Variants in WWOX observed in about 807,000 individuals in gnomAD.
WWOX encodes the protein WW domain-containing oxidoreductase.
Under a neutral mutation model 46.2 loss-of-function variants are expected in WWOX, and 69 were observed. That is an observed-to-expected ratio of 1.49 (90% CI 1.23 to 1.82). WWOX has a LOEUF of 1.82. WWOX is among the 40% of genes most tolerant of loss of function. The probability of loss-of-function intolerance (pLI) is 0.00; values close to 1 mark genes in which losing one functional copy is unlikely to be tolerated. For missense variants in WWOX, 919 were observed against 542.6 expected, an observed-to-expected ratio of 1.69 and a Z score of -6.89; for synonymous variants, 359 against 202.6, an observed-to-expected ratio of 1.77 and a Z score of -6.56.
chr16:78,121,448 T>C (rs1597228719), intron 4 of WWOX, among the ~76,000 whole-genome samples: 1 of 152,304 alleles, frequency 6.6e-6, no homozygotes, highest in South Asian at 2.1e-4. Context: ...TGAGATATTA[T>C]TGGACATTGA....
intron 5 of WWOX, among the ~76,000 whole-genome samples, chr16:78,166,367 C>T (rs748319076): frequency 6.6e-6 from 1 of 152,160 alleles, no homozygotes; most frequent in Non-Finnish European, 1.5e-5. Context: ...CTCTTTCTTG[C>T]ATCAGTCTTT....
chr16:78,495,645 A>T (rs1186223146), intron 8 of WWOX, among the ~76,000 whole-genome samples: 1 of 151,150 alleles, frequency 6.6e-6, no homozygotes, highest in Non-Finnish European at 1.5e-5. Context: ...AGTAGCTGGG[A>T]CTACAGGCCA....
intron 8 of WWOX, chr16:78,996,376 A>ACCGC: frequency 4.3e-6 from 2 of 470,360 alleles, no homozygotes; most frequent in Non-Finnish European, 4.8e-6. Flanking sequence ...TTCTGCACCC[A>ACCGC]CCCCCGCCCC....
chr16:79,011,888 C>T (rs1412093929), intron 8 of WWOX, among the ~76,000 whole-genome samples: 2 of 151,980 alleles, frequency 1.3e-5, no homozygotes, highest in Non-Finnish European at 2.9e-5. Flanking sequence ...TCATGGCCTC[C>T]AGTGATCCTC....
intron 8 of WWOX, among the ~76,000 whole-genome samples, chr16:78,712,063 A>G (rs1373168684): frequency 2.0e-5 from 3 of 152,156 alleles, no homozygotes; most frequent in Non-Finnish European, 4.4e-5. Context: ...TATATCTTAT[A>G]TTCATTATAG....
rs557073687 is a variant in WWOX, at chr16:78,631,425, G to A, written c.1056+198673G>A. Among the ~76,000 whole-genome samples, 6 of 152,308 alleles carry A rather than the reference G, an allele frequency of 3.9e-5. No individual in the cohort carries two copies. In the South Asian group the frequency reaches 1.2e-3, roughly 32 times the overall value. ...GATATTCCAGCTATGGCAAACTGCG[G>A]AAGAATTAGGACAGATGTATGACTT... On this transcript the variant is annotated intron_variant, in intron 8 of 8. Transcript: ENST00000566780.
At chr16:78,788,496 C>A (rs12598809) in intron 8 of WWOX, among the ~76,000 whole-genome samples, 1 of 151,986 alleles carries the variant, frequency 6.6e-6, no homozygotes, top group Non-Finnish European at 1.5e-5. Context: ...CATGAAGCTC[C>A]CATAAAAACC....
chr16:78,498,429 C>T (rs1254816757), intron 8 of WWOX, among the ~76,000 whole-genome samples: 1 of 152,066 alleles, frequency 6.6e-6, no homozygotes, highest in Non-Finnish European at 1.5e-5. Context: ...CAGGAAGAGC[C>T]CCTTTTCTAA....
In WWOX at chr16:78,729,030, C is replaced by A. The variant is rs534739336; in HGVS notation, c.1056+296278C>A. 3.3e-5 allele frequency among the ~76,000 whole-genome samples: 5 copies of A among 152,158 alleles called. No homozygotes were observed. The East Asian group carries it at 9.7e-4, about 30-fold the overall frequency. On this transcript the variant is annotated intron_variant, in intron 8 of 8. Transcript: ENST00000566780. ...TAGGGTCATCCCCCTAAAGATATCC[C>A]GCCCCACCAAAGATATCCCTAAAGA...
chr16:79,209,741 A>C (rs532026404), intron 8 of WWOX, among the ~76,000 whole-genome samples: 1 of 152,212 alleles, frequency 6.6e-6, no homozygotes, highest in Non-Finnish European at 1.5e-5. Flanking sequence ...CAATTCTCCA[A>C]TTTGTCTTTA....
intron 8 of WWOX, among the ~76,000 whole-genome samples, chr16:78,689,014 A>G (rs2047926220): frequency 6.6e-6 from 1 of 152,174 alleles, no homozygotes; most frequent in South Asian, 2.1e-4. Context: ...TGAGACCTCC[A>G]CAGCCATGCC....
At chr16:78,355,445 A>T (rs1335090611) in intron 5 of WWOX, 1 of 318,216 alleles carries the variant, frequency 3.1e-6, no homozygotes, top group Non-Finnish European at 6.1e-6. Context: ...TACTAAAAGT[A>T]CAAAAAATTA....
intron 5 of WWOX, among the ~76,000 whole-genome samples, chr16:78,356,587 G>T (rs1030302694): frequency 1.3e-5 from 2 of 152,056 alleles, no homozygotes; most frequent in African/African-American, 2.4e-5. Context: ...CTATCACATG[G>T]AAACAAAAGT....
At chr16:78,299,652 C>T (rs1006146240) in intron 5 of WWOX, among the ~76,000 whole-genome samples, 3 of 152,002 alleles carry the variant, frequency 2.0e-5, no homozygotes, top group African/African-American at 7.2e-5. Flanking sequence ...CTCAGCCTCC[C>T]AAGTAGCTGG....
At chr16:78,876,280 C>G (rs1045484929) in intron 8 of WWOX, among the ~76,000 whole-genome samples, 3 of 151,476 alleles carry the variant, frequency 2.0e-5, no homozygotes, top group Non-Finnish European at 2.9e-5. Context: ...AATATTGTAC[C>G]CATTGTACTT....
At chr16:78,314,666 A>G (rs768354966) in intron 5 of WWOX, among the ~76,000 whole-genome samples, 9 of 140,274 alleles carry the variant, frequency 6.4e-5, no homozygotes, top group Non-Finnish European at 1.2e-4. Context: ...CTGGGACTAC[A>G]GGCACACCCC....
intron 5 of WWOX, among the ~76,000 whole-genome samples, chr16:78,252,428 G>T (rs562131393): frequency 7.2e-5 from 11 of 152,272 alleles, no homozygotes; most frequent in East Asian, 1.9e-4. Context: ...AACTACGTGG[G>T]TATGTATATA....
intron 8 of WWOX, among the ~76,000 whole-genome samples, chr16:79,065,024 G>A (rs1285040452): frequency 6.6e-6 from 1 of 152,104 alleles, no homozygotes; most frequent in African/African-American, 2.4e-5. Flanking sequence ...GAGTTCGTCG[G>A]TTGTTTAGGG....
At chr16:78,100,465 G>T (rs1366050549) in intron 1 of WWOX, among the ~76,000 whole-genome samples, 1 of 152,174 alleles carries the variant, frequency 6.6e-6, no homozygotes, top group Non-Finnish European at 1.5e-5. Flanking sequence ...TGTTGCCCAG[G>T]CTGGTCTCGA....
Sources: gnomAD v4.1 joint callset for allele counts (sites outside exome capture counted in the v4.1 genomes callset) on GRCh38, gnomAD v4.1.1 for gene constraint, MANE v1.5 for transcripts, NCBI Gene and HGNC (gene_info 2026-07-23, HGNC 2026-07-21) for gene names.